NRXN1: variants seen among roughly 807,000 people sequenced by gnomAD.
NRXN1 encodes neurexin-1.
NRXN1 carries 39 observed loss-of-function variants against 150.9 expected under a neutral mutation model. That is an observed-to-expected ratio of 0.26 (90% CI 0.20 to 0.34). The LOEUF (loss-of-function observed/expected upper bound fraction) is 0.34, where lower values mean the gene tolerates loss of function less well. NRXN1 is among the 10% of genes least tolerant of loss of function. The pLI is 1.00. For synonymous variants in NRXN1, 924 were observed against 757.0 expected, an observed-to-expected ratio of 1.22 and a Z score of -3.62; for missense variants, 1,815 against 1,949.9, an observed-to-expected ratio of 0.93 and a Z score of 1.30.
At chr2:50,322,793 A>T (rs2152975832) in intron 17 of NRXN1, among the ~76,000 whole-genome samples, 1 of 152,344 alleles carries the variant, frequency 6.6e-6, no homozygotes, top group African/African-American at 2.4e-5. Flanking sequence ...GTTAAGTATT[A>T]AAAGACATTA....
chr2:50,588,977 CCGA>C (rs1673647499), intron 8 of NRXN1: 1 of 152,062 alleles, frequency 6.6e-6, no homozygotes. Context: ...GCCCATATAC[CCGA>C]ATGGTTCTTT....
At chr2:49,923,421 C>A (rs565349600) in intron 22 of NRXN1, among the ~76,000 whole-genome samples, 2 of 152,178 alleles carry the variant, frequency 1.3e-5, no homozygotes, top group East Asian at 3.9e-4. Flanking sequence ...AATGCTACAA[C>A]TTTCAAAACA....
intron 21 of NRXN1, among the ~76,000 whole-genome samples, chr2:49,949,200 T>C (rs1673488709): frequency 6.6e-6 from 1 of 152,032 alleles, no homozygotes; most frequent in Non-Finnish European, 1.5e-5. Flanking sequence ...AGTGATTTAA[T>C]ACCCAGGGAT....
At chr2:50,384,054 C>T (rs887735236) in intron 17 of NRXN1, among the ~76,000 whole-genome samples, 2 of 152,216 alleles carry the variant, frequency 1.3e-5, no homozygotes, top group Middle Eastern at 3.2e-3. Flanking sequence ...ACTTTTACTA[C>T]ACATGAAGTG....
At chr2:50,773,495 T>C (rs1056483016) in intron 5 of NRXN1, among the ~76,000 whole-genome samples, 3 of 152,086 alleles carry the variant, frequency 2.0e-5, no homozygotes, top group South Asian at 2.1e-4. Flanking sequence ...GCACCACCCA[T>C]AGGCAAATTC....
At chr2:49,943,933 A>AT in intron 21 of NRXN1, 142 bp from the exon 22 acceptor site, 1 of 708,034 alleles carries the variant, frequency 1.4e-6, no homozygotes, top group African/African-American at 1.8e-5. Flanking sequence ...CAGAGCTTAC[A>AT]TTTTAGATCC....
intron 2 of NRXN1, among the ~76,000 whole-genome samples, chr2:50,956,723 T>TATA (rs902039170): frequency 1.4e-3 from 206 of 151,278 alleles, no homozygotes; most frequent in African/African-American, 3.9e-3. Flanking sequence ...TCAAAAAATA[T>TATA]ATAATAATAA....
At chr2:50,725,867 G>A (rs1264764195) in intron 5 of NRXN1, among the ~76,000 whole-genome samples, 1 of 152,068 alleles carries the variant, frequency 6.6e-6, no homozygotes, top group Non-Finnish European at 1.5e-5. Context: ...GATAATATTT[G>A]TAAAAATAAA....
In NRXN1 at chr2:50,993,005, T is replaced by A. The variant is rs569959054; in HGVS notation, c.772+34497A>T. On this transcript the variant is annotated intron_variant, in intron 2 of 22. Transcript: ENST00000401669. ...TCACCAAAAGCTATGGACTAAGCCA[T>A]CTCTAGTGACTTGTGAAATAACGTA... 8.5e-5 allele frequency among the ~76,000 whole-genome samples: 13 copies of A among 152,072 alleles called. No homozygotes were observed. The South Asian group carries it at 2.7e-3, about 32-fold the overall frequency.
At chr2:50,644,851 A>T (rs1452861163) in intron 5 of NRXN1, among the ~76,000 whole-genome samples, 2 of 148,564 alleles carry the variant, frequency 1.3e-5, no homozygotes, top group African/African-American at 4.9e-5. Context: ...TTATATTTAT[A>T]TATAAGGATA....
At chr2:50,708,185 A>C (rs1355145399) in intron 5 of NRXN1, among the ~76,000 whole-genome samples, 2 of 152,208 alleles carry the variant, frequency 1.3e-5, no homozygotes, top group Non-Finnish European at 2.9e-5. Flanking sequence ...GAGTTGAAAA[A>C]AGATTTAGAA....
intron 5 of NRXN1, among the ~76,000 whole-genome samples, chr2:50,751,121 G>A (rs186069785): frequency 6.6e-6 from 1 of 152,082 alleles, no homozygotes; most frequent in Admixed American, 6.6e-5. Context: ...TGCATAAATT[G>A]GGCCTCTGAA....
chr2:50,537,447 T>C (rs1366866278), intron 10 of NRXN1, among the ~76,000 whole-genome samples: 1 of 152,222 alleles, frequency 6.6e-6, no homozygotes, highest in Non-Finnish European at 1.5e-5. Flanking sequence ...TTTATTCCTT[T>C]AGCCTGTTCT....
chr2:50,196,035 G>A (rs1480684464), intron 18 of NRXN1, among the ~76,000 whole-genome samples: 1 of 151,930 alleles, frequency 6.6e-6, no homozygotes, highest in East Asian at 1.9e-4. Flanking sequence ...ATGTAAACGT[G>A]TGCCATGGTG....
intron 2 of NRXN1, among the ~76,000 whole-genome samples, chr2:50,959,263 ACTC>A (rs1692765070): frequency 6.6e-6 from 1 of 152,068 alleles, no homozygotes; most frequent in African/African-American, 2.4e-5. Flanking sequence ...TCATATACAT[ACTC>A]AAGAGAACGG....
At chr2:50,482,702 C>A (rs1173161691) in intron 15 of NRXN1, among the ~76,000 whole-genome samples, 1 of 152,094 alleles carries the variant, frequency 6.6e-6, no homozygotes, top group African/African-American at 2.4e-5. Flanking sequence ...CTGGGCTGGG[C>A]TGCATTCCCG....
chr2:50,729,188 C>T (rs1385916144), intron 5 of NRXN1, among the ~76,000 whole-genome samples: 3 of 152,008 alleles, frequency 2.0e-5, no homozygotes, highest in Non-Finnish European at 2.9e-5. Flanking sequence ...TTCATTGAAA[C>T]GATCTTTGTT....
At chr2:50,283,882 A>T (rs1715999) in intron 17 of NRXN1, among the ~76,000 whole-genome samples, 2 of 151,840 alleles carry the variant, frequency 1.3e-5, no homozygotes, top group African/African-American at 2.4e-5. Context: ...CTAGATTTGG[A>T]GAACTCTAGG....
chr2:50,180,687 G>A (rs184737103), intron 18 of NRXN1, among the ~76,000 whole-genome samples: 2 of 152,070 alleles, frequency 1.3e-5, no homozygotes, highest in African/African-American at 4.8e-5. Flanking sequence ...CTTACCATCA[G>A]ACACCAGATG....
Sources: gnomAD v4.1 joint callset for allele counts (sites outside exome capture counted in the v4.1 genomes callset) on GRCh38, gnomAD v4.1.1 for gene constraint, MANE v1.5 for transcripts, NCBI Gene and HGNC (gene_info 2026-07-23, HGNC 2026-07-21) for gene names.